The following VPS45 variants were observed in gnomAD, a reference collection of about 807,000 sequenced individuals.
VPS45 encodes the protein vacuolar protein sorting 45 homolog, also known as vacuolar protein sorting-associated protein 45.
A neutral mutation model predicts 75.9 loss-of-function variants in VPS45; 35 were observed. That is an observed-to-expected ratio of 0.46 (90% CI 0.35 to 0.61). The LOEUF is 0.61. Among genes scored for constraint, VPS45 ranks in the 20% least tolerant of loss-of-function variants. The pLI is 0.00. For synonymous variants in VPS45, 220 were observed against 238.2 expected, an observed-to-expected ratio of 0.92 and a Z score of 0.70; for missense variants, 559 against 685.9, an observed-to-expected ratio of 0.81 and a Z score of 2.07.
chr1:150,122,086 C>T (rs1658264326), intron 14 of VPS45, among the ~76,000 whole-genome samples: 1 of 151,958 alleles, frequency 6.6e-6, no homozygotes, highest in South Asian at 2.1e-4. Flanking sequence ...TTTGGGGGGC[C>T]AAGGCGGCCG....
At chr1:150,078,882 G>A (rs1242154548) in intron 7 of VPS45, among the ~76,000 whole-genome samples, 1 of 151,994 alleles carries the variant, frequency 6.6e-6, no homozygotes, top group Non-Finnish European at 1.5e-5. Flanking sequence ...GGTCGAGGTG[G>A]GTAGATCACC....
chr1:150,078,057 T>G (rs1184926144), intron 7 of VPS45, among the ~76,000 whole-genome samples: 3 of 152,204 alleles, frequency 2.0e-5, no homozygotes, highest in Non-Finnish European at 4.4e-5. Flanking sequence ...TGTGTTTCCT[T>G]CTGTCTCCTC....
rs778838602 is a variant in VPS45 at position 150,134,066 on chromosome 1, A to G, written c.1626-10643A>G. Among the ~76,000 whole-genome samples the G allele has an allele frequency of 4.3e-4, 65 of 152,334 alleles. 1 individual carries two copies. The highest frequency in any genetic ancestry group is 3.9e-4 in the East Asian group (2 of 5,192). On this transcript the variant is annotated intron_variant, in intron 14 of 14. Coordinates refer to ENST00000644510, the MANE Select transcript of VPS45 (RefSeq NM_007259.5). ...TTCCGAAGGAATAGCTACATTTTTG[A>G]ATAGGCAATTATATCATTTGTAAGA...
At chr1:150,117,471 G>A (rs1231182566) in intron 14 of VPS45, among the ~76,000 whole-genome samples, 3 of 151,750 alleles carry the variant, frequency 2.0e-5, no homozygotes, top group East Asian at 1.9e-4. Context: ...GCAGTGAGCC[G>A]AGATCGCACC....
At chr1:150,108,025 T>C (rs74127439) in intron 13 of VPS45, among the ~76,000 whole-genome samples, 4,114 of 152,144 alleles carry the variant, frequency 0.027, 144 homozygotes, top group African/African-American at 0.089. Context: ...TCACTTCTGC[T>C]CCAAAGGAAG....
chr1:150,112,766 T>C (rs2101613352), intron 14 of VPS45, among the ~76,000 whole-genome samples: 1 of 152,310 alleles, frequency 6.6e-6, no homozygotes, highest in East Asian at 1.9e-4. Context: ...TGACTGGTTG[T>C]AAATCAGGGG....
At chr1:150,091,793 A>T in intron 10 of VPS45, 144 bp from the exon 11 acceptor site, 1 of 630,300 alleles carries the variant, frequency 1.6e-6, no homozygotes, top group South Asian at 3.7e-5. Flanking sequence ...AATTTTCTAT[A>T]GTTGAGACAG....
At chr1:150,111,822 G>A (rs1657665261) in intron 14 of VPS45, among the ~76,000 whole-genome samples, 1 of 152,128 alleles carries the variant, frequency 6.6e-6, no homozygotes, top group Non-Finnish European at 1.5e-5. Context: ...ACGTTTTAGT[G>A]TTTTCAGGCC....
At chr1:150,119,218 G>A (rs587630304) in intron 14 of VPS45, among the ~76,000 whole-genome samples, 1 of 152,238 alleles carries the variant, frequency 6.6e-6, no homozygotes, top group South Asian at 2.1e-4. Flanking sequence ...AACATATTTA[G>A]TAAGTTTACA....
chr1:150,110,480 T>C lies in VPS45; in HGVS notation c.1494-16T>C, dbSNP rs1553806966. 1 of 1,601,094 alleles carries C rather than the reference T, an allele frequency of 6.2e-7. No individual in the cohort carries two copies. Among genetic ancestry groups the C allele is most frequent in the East Asian group, 2.2e-5 (1 of 44,672 alleles). Reference sequence around the variant, plus strand: ...TTTCTTATCCTGTGATAATATCTCATTCTTCATTATTGCAGACCTCAGGAT... The same window carrying C: ...TTTCTTATCCTGTGATAATATCTCACTCTTCATTATTGCAGACCTCAGGAT... On this transcript the variant is annotated splice_polypyrimidine_tract_variant and intron_variant, in intron 13 of 14. Coordinates refer to ENST00000644510, the MANE Select transcript of VPS45 (RefSeq NM_007259.5).
intron 10 of VPS45, 29 bp from the exon 11 acceptor site, chr1:150,091,908 G>T: frequency 6.2e-7 from 1 of 1,603,840 alleles, no homozygotes; most frequent in South Asian, 1.1e-5. Context: ...AGTGAAAGGG[G>T]GATAAATATA....
At chr1:150,089,173 A>C (rs1245750573) in intron 10 of VPS45, among the ~76,000 whole-genome samples, 1 of 152,166 alleles carries the variant, frequency 6.6e-6, no homozygotes, top group Non-Finnish European at 1.5e-5. Context: ...GACTGTCATC[A>C]TACCAGTTTT....
chr1:150,124,465 A>G (rs1553810268), intron 14 of VPS45, among the ~76,000 whole-genome samples: 1 of 151,508 alleles, frequency 6.6e-6, no homozygotes, highest in Non-Finnish European at 1.5e-5. Context: ...TCTTGGAAAA[A>G]AAAAATGAAT....
At chr1:150,080,790 C>T (rs1170986938) in intron 7 of VPS45, among the ~76,000 whole-genome samples, 1 of 152,136 alleles carries the variant, frequency 6.6e-6, no homozygotes, top group African/African-American at 2.4e-5. Flanking sequence ...CCTCTCATCT[C>T]CCCTTAGGTA....
rs1655409549 is a variant in VPS45 at position 150,076,786 on chromosome 1, A to G, written c.370-130A>G. On this transcript the variant is annotated intron_variant, in intron 4 of 14. Transcript: ENST00000644510. ...CTGTTGTTACCCAATTATTAATTGA[A>G]CAATTTAGTATCTCTTTACACCTGT... is the stretch of plus-strand genomic sequence containing the variant. The G allele has an allele frequency of 3.3e-6, 3 of 906,046 alleles. No individual in the cohort carries two copies. In the East Asian group the frequency reaches 7.4e-5, roughly 22 times the overall value. The allele number at this position is 906,046 out of a possible 1,614,324, so 56.1% of individuals were successfully genotyped here.
intron 4 of VPS45, 66 bp downstream of exon 4, chr1:150,076,378 T>TA: frequency 7.4e-7 from 1 of 1,346,312 alleles, no homozygotes; most frequent in Non-Finnish European, 1.0e-6. Flanking sequence ...AGTCTAAAAA[T>TA]AAAAAATAAG....
chr1:150,074,608 T>C (rs1655265130), intron 3 of VPS45, among the ~76,000 whole-genome samples: 2 of 152,330 alleles, frequency 1.3e-5, no homozygotes, highest in African/African-American at 4.8e-5. Context: ...TGCTGAGTCA[T>C]ATGGTAATTC....
intron 13 of VPS45, among the ~76,000 whole-genome samples, chr1:150,097,730 A>C (rs1656751182): frequency 1.3e-5 from 2 of 152,032 alleles, no homozygotes; most frequent in Non-Finnish European, 2.9e-5. Flanking sequence ...AAACAAAACA[A>C]AACAAAACAA....
At chr1:150,121,521 C>T (rs973237929) in intron 14 of VPS45, among the ~76,000 whole-genome samples, 12 of 152,294 alleles carry the variant, frequency 7.9e-5, no homozygotes, top group Admixed American at 2.6e-4. Context: ...CTTCCTCTTA[C>T]TACCTTATTT....
Sources: gnomAD v4.1 joint callset for allele counts (sites outside exome capture counted in the v4.1 genomes callset) on GRCh38, gnomAD v4.1.1 for gene constraint, MANE v1.5 for transcripts, NCBI Gene and HGNC (gene_info 2026-07-23, HGNC 2026-07-21) for gene names.